Variants in SMIM13 observed in about 807,000 individuals in gnomAD.
SMIM13 encodes the protein small integral membrane protein 13.
A neutral mutation model predicts 5.9 loss-of-function variants in SMIM13; 3 were observed. The ratio of observed to expected loss-of-function variants is 0.51; its 90% CI spans 0.23 to 1.31. The LOEUF is 1.31. Ranked by LOEUF, SMIM13 falls within the 40% of genes most tolerant of loss-of-function variation. The pLI is 0.18. For missense variants in SMIM13, 85 were observed against 109.9 expected (o/e 0.77, Z 1.01); for synonymous variants, 55 against 46.0 (o/e 1.19, Z -0.79).
chr6:11,099,315 T>C (rs1757963180), intron 1 of SMIM13, among the ~76,000 whole-genome samples: 1 of 152,102 alleles, frequency 6.6e-6, no homozygotes, highest in East Asian at 1.9e-4. Context: ...GCTGAGATTA[T>C]AGGCGCCCGC....
At chr6:11,096,137 C>G (rs1438871183) in intron 1 of SMIM13, among the ~76,000 whole-genome samples, 1 of 152,252 alleles carries the variant, frequency 6.6e-6, no homozygotes, top group East Asian at 1.9e-4. Context: ...GACAGCAGTC[C>G]CCAACCTTTT....
chr6:11,128,855 C>G (rs1050732609), intron 1 of SMIM13, among the ~76,000 whole-genome samples: 1 of 152,162 alleles, frequency 6.6e-6, no homozygotes, highest in Admixed American at 6.5e-5. Context: ...TGTGCTGTCC[C>G]TCCCCCAGGC....
At chr6:11,098,283 A>G (rs1308218086) in intron 1 of SMIM13, among the ~76,000 whole-genome samples, 1 of 152,108 alleles carries the variant, frequency 6.6e-6, no homozygotes, top group East Asian at 1.9e-4. Flanking sequence ...TACCCCCACT[A>G]TTCAGTGATG....
Position 11,105,278 on chromosome 6 carries a change from C to T in SMIM13, c.76+10889C>T, listed in dbSNP as rs139935118. The T allele has an allele frequency of 1.1e-3, 1,842 of 1,613,674 alleles. 6 individuals carry two copies. Among genetic ancestry groups the T allele is most frequent in the Admixed American group, 6.0e-3 (359 of 59,956 alleles). ...GATGGCGGTAGGCTGCTAGTGAAGG[C>T]GTGAGAATGAGAACCAGCAGGAGCA... On this transcript the variant is annotated intron_variant, in intron 1 of 1. Transcript: ENST00000416247.
chr6:11,122,390 A>G (rs1024269319), intron 1 of SMIM13, among the ~76,000 whole-genome samples: 6 of 152,244 alleles, frequency 3.9e-5, no homozygotes, highest in Non-Finnish European at 7.3e-5. Context: ...GAAAGGGAAA[A>G]TATGAATCCT....
At chr6:11,128,611 T>A (rs1333149933) in intron 1 of SMIM13, among the ~76,000 whole-genome samples, 1 of 152,190 alleles carries the variant, frequency 6.6e-6, no homozygotes, top group Non-Finnish European at 1.5e-5. Context: ...CTAGGAATTT[T>A]AGTCCTTGTG....
chr6:11,124,971 T>G (rs1758359068), intron 1 of SMIM13, among the ~76,000 whole-genome samples: 3 of 152,184 alleles, frequency 2.0e-5, no homozygotes, highest in Admixed American at 2.0e-4. Context: ...TTTTTTCCTT[T>G]AGCATTTTAA....
chr6:11,107,181 T>C (rs766959162), intron 1 of SMIM13, among the ~76,000 whole-genome samples: 7 of 152,202 alleles, frequency 4.6e-5, no homozygotes, highest in Admixed American at 6.5e-5. Flanking sequence ...GGCATAAATT[T>C]GGTTAAGTAT....
intron 1 of SMIM13, among the ~76,000 whole-genome samples, chr6:11,101,141 C>T (rs1335073070): frequency 1.3e-5 from 2 of 151,874 alleles, no homozygotes; most frequent in East Asian, 3.9e-4. Flanking sequence ...CCTCCTCCCC[C>T]TTTCTTCTGG....
chr6:11,137,511 A>G lies in SMIM13; in HGVS notation c.*2909A>G, dbSNP rs953600088. On this transcript the variant is annotated 3_prime_UTR_variant, in exon 2 of 2. Coordinates refer to ENST00000416247, the MANE Select transcript of SMIM13 (RefSeq NM_001135575.2). Reference sequence around the variant, plus strand: ...GGTTAATTTTAGAGCTTAAAAGTTTATAAGCATTAAAAACACATACATGTA... The same window carrying G: ...GGTTAATTTTAGAGCTTAAAAGTTTGTAAGCATTAAAAACACATACATGTA... The G allele has an allele frequency of 6.6e-6, 1 of 152,198 alleles. No individual in the cohort carries two copies. Among genetic ancestry groups the G allele is most frequent in the Non-Finnish European group, 1.5e-5 (1 of 68,006 alleles). 9.4% of individuals were successfully genotyped at this position (152,198 alleles called of 1,614,324 possible). A position where few individuals can be genotyped will look rare whatever the true frequency, so the allele number is the denominator to read the frequency against.
rs1454987497 is a variant in SMIM13, at chr6:11,136,587, G to A, written c.*1985G>A. The A allele has an allele frequency of 6.6e-6, 1 of 151,960 alleles. No individual in the cohort carries two copies. The highest frequency in any genetic ancestry group is 1.5e-5 in the Non-Finnish European group (1 of 67,982). 9.4% of individuals were successfully genotyped at this position (151,960 alleles called of 1,614,324 possible). The stretch of plus-strand genomic sequence containing the variant: ...GTGATGAACACCTTTTTGCTATATT[G>A]TAGCTCTTGGAGATACTAAAAGAGA... On this transcript the variant is annotated 3_prime_UTR_variant, in exon 2 of 2. Coordinates refer to ENST00000416247, the MANE Select transcript of SMIM13 (RefSeq NM_001135575.2).
At chr6:11,097,355 T>C (rs1324544768) in intron 1 of SMIM13, among the ~76,000 whole-genome samples, 1 of 152,078 alleles carries the variant, frequency 6.6e-6, no homozygotes, top group Non-Finnish European at 1.5e-5. Context: ...AATTACCTCT[T>C]TAAAAATCTT....
intron 1 of SMIM13, among the ~76,000 whole-genome samples, chr6:11,116,041 A>C (rs1268634262): frequency 1.0e-5 from 1 of 97,054 alleles, no homozygotes; most frequent in African/African-American, 4.2e-5. Context: ...TTTTTTTGAC[A>C]GAGTCTCACT....
At chr6:11,116,120 C>G (rs1479194611) in intron 1 of SMIM13, among the ~76,000 whole-genome samples, 1 of 145,134 alleles carries the variant, frequency 6.9e-6, no homozygotes, top group Admixed American at 7.2e-5. Context: ...CAGGTTCAAG[C>G]GATTCTCGTG....
chr6:11,123,070 C>T (rs1466376843), intron 1 of SMIM13, among the ~76,000 whole-genome samples: 2 of 152,106 alleles, frequency 1.3e-5, no homozygotes, highest in African/African-American at 4.8e-5. Flanking sequence ...ACATCCATGT[C>T]CTCTCAGGGA....
intron 1 of SMIM13, among the ~76,000 whole-genome samples, chr6:11,117,756 T>C (rs952785329): frequency 1.3e-5 from 2 of 151,910 alleles, no homozygotes; most frequent in African/African-American, 4.8e-5. Context: ...CTTTTTTTTT[T>C]TTTTTCTTTT....
intron 1 of SMIM13, among the ~76,000 whole-genome samples, chr6:11,095,773 T>G (rs1757915743): frequency 6.6e-6 from 1 of 152,204 alleles, no homozygotes; most frequent in African/African-American, 2.4e-5. Context: ...TTTCTGCTTG[T>G]GATATCAACA....
chr6:11,125,740 G>A (rs191004961), intron 1 of SMIM13, among the ~76,000 whole-genome samples: 8 of 152,084 alleles, frequency 5.3e-5, no homozygotes, highest in African/African-American at 1.9e-4. Flanking sequence ...CTTTTCTCTT[G>A]CTGCTTTTAG....
At chr6:11,105,037 G>C (rs778432865) in intron 1 of SMIM13, 2 of 1,614,200 alleles carry the variant, frequency 1.2e-6, no homozygotes, top group South Asian at 2.2e-5. Flanking sequence ...GTTGAAAGAA[G>C]ACTATTTGCA....
Sources: allele counts gnomAD v4.1 joint callset (sites outside exome capture counted in the v4.1 genomes callset), GRCh38; gene constraint gnomAD v4.1.1; transcripts MANE v1.5; gene names NCBI Gene and HGNC (gene_info 2026-07-23, HGNC 2026-07-21).